Variants in CCDC38 observed in about 807,000 individuals in gnomAD.
The protein encoded by CCDC38 is coiled-coil domain containing 38.
In CCDC38, 69 loss-of-function variants were observed where a neutral mutation model predicts 72.8. The ratio of observed to expected loss-of-function variants is 0.95; its 90% confidence interval spans 0.78 to 1.16. The LOEUF is 1.16. CCDC38 is among the 50% of genes most tolerant of loss of function. The pLI is 0.00. For missense variants in CCDC38, 626 were observed against 638.9 expected (o/e 0.98, Z 0.22); for synonymous variants, 201 against 213.2 (o/e 0.94, Z 0.50).
intron 8 of CCDC38, among the ~76,000 whole-genome samples, chr12:95,893,479 T>TCC (rs2079853333): frequency 9.0e-6 from 1 of 111,668 alleles, no homozygotes; most frequent in Non-Finnish European, 1.8e-5. Context: ...TTTCTCTCTC[T>TCC]CTCTCTTTCT....
intron 2 of CCDC38, among the ~76,000 whole-genome samples, chr12:95,922,923 C>G (rs567471183): frequency 6.6e-6 from 1 of 152,244 alleles, no homozygotes; most frequent in East Asian, 1.9e-4. Flanking sequence ...AATGTTATTT[C>G]TGGTTGTGTC....
intron 5 of CCDC38, chr12:95,903,545 T>C: frequency 2.9e-6 from 2 of 686,866 alleles, no homozygotes; most frequent in African/African-American, 1.8e-5. Flanking sequence ...TGTCCTTTTA[T>C]AAAGTTGAGG....
intron 5 of CCDC38, among the ~76,000 whole-genome samples, chr12:95,900,959 T>C (rs2079944200): frequency 6.6e-6 from 1 of 152,176 alleles, no homozygotes; most frequent in Admixed American, 6.5e-5. Context: ...GAGAGTAAGC[T>C]GGGGACCAGA....
intron 13 of CCDC38, among the ~76,000 whole-genome samples, chr12:95,872,935 T>A (rs915837089): frequency 1.3e-5 from 2 of 152,230 alleles, no homozygotes; most frequent in African/African-American, 4.8e-5. Flanking sequence ...TATATTATAA[T>A]TTATAGTCAG....
Position 95,879,966 on chromosome 12 carries a change from CAGAA to C in CCDC38, c.991-175_991-172del, listed in dbSNP as rs1321077057. The C allele has an allele frequency of 2.2e-6, 1 of 456,422 alleles. No individual in the cohort carries two copies. The highest frequency in any genetic ancestry group is 1.9e-5 in the African/African-American group (1 of 51,302). 28.3% of individuals were successfully genotyped at this position (456,422 alleles called of 1,614,324 possible). On this transcript the variant is annotated intron_variant, in intron 11 of 15. Coordinates refer to ENST00000344280, the MANE Select transcript of CCDC38 (RefSeq NM_182496.3). The surrounding 1 kb of genome is among the most constrained non-coding windows in gnomAD (Gnocchi z 5.5). Reference sequence around the variant, plus strand: ...CTATTTCCAAGTGAGAGCTGGCTTTCAGAAAGAGCACATTTGCAGTGTTGTGGGG... The same window carrying C: ...CTATTTCCAAGTGAGAGCTGGCTTTCAGAGCACATTTGCAGTGTTGTGGGG...
intron 4 of CCDC38, among the ~76,000 whole-genome samples, chr12:95,913,110 G>A (rs2080111893): frequency 6.6e-6 from 1 of 151,940 alleles, no homozygotes; most frequent in Non-Finnish European, 1.5e-5. Context: ...GAAATAGAAA[G>A]GAAACAATAT....
intron 10 of CCDC38, among the ~76,000 whole-genome samples, chr12:95,888,206 G>A (rs547658967): frequency 6.6e-6 from 1 of 152,176 alleles, no homozygotes; most frequent in Admixed American, 6.5e-5. Context: ...AGGGCAGTGG[G>A]TTCTGAGAAG....
intron 5 of CCDC38, among the ~76,000 whole-genome samples, chr12:95,904,196 TTAA>T (rs954544093): frequency 7.2e-5 from 11 of 152,214 alleles, no homozygotes; most frequent in Admixed American, 3.3e-4. Flanking sequence ...TATGTCAATG[TTAA>T]TAATTTTTAA....
At chr12:95,892,092 T>G (rs1171199033) in intron 8 of CCDC38, among the ~76,000 whole-genome samples, 2 of 148,604 alleles carry the variant, frequency 1.3e-5, no homozygotes, top group African/African-American at 5.0e-5. Flanking sequence ...TTTTTTTTTT[T>G]TTTTTTTTTT....
Position 95,879,666 on chromosome 12 carries a change from C to T in CCDC38, c.1120G>A (p.Glu374Lys), listed in dbSNP as rs2079676527. The T allele has an allele frequency of 1.3e-6, 2 of 1,594,588 alleles. No homozygotes were observed. Among genetic ancestry groups the T allele is most frequent in the Non-Finnish European group, 1.7e-6 (2 of 1,165,692 alleles). Reference sequence around the variant, plus strand: ...TACGTTTTATCCTGTATAACTTTTTCTCTTTTGTTTACCTCTTCAAGATTT... The same window carrying T: ...TACGTTTTATCCTGTATAACTTTTTTTCTTTTGTTTACCTCTTCAAGATTT... Reference protein sequence around the residue: ...DENLEEVNKREKVIQDKTNSN... With the variant: ...DENLEEVNKRKKVIQDKTNSN... Residue 374 changes from glutamate to lysine, a missense_variant, in exon 12 of 16, where the codon GAA (glutamate) becomes AAA (lysine). Physicochemically the swap from Glu to Lys is moderately conservative, Grantham distance 56. Coordinates refer to ENST00000344280, the MANE Select transcript of CCDC38 (RefSeq NM_182496.3). This position sits in a 1 kb window ranked among gnomAD's most constrained non-coding sequence, Gnocchi z 5.5.
intron 1 of CCDC38, among the ~76,000 whole-genome samples, chr12:95,940,197 G>C (rs2080433989): frequency 6.6e-6 from 1 of 152,146 alleles, no homozygotes; most frequent in African/African-American, 2.4e-5. Flanking sequence ...ACTACTTTTT[G>C]TAAGAAACTC....
chr12:95,918,487 G>A (rs1036224982), intron 3 of CCDC38, among the ~76,000 whole-genome samples: 4 of 152,126 alleles, frequency 2.6e-5, no homozygotes, highest in African/African-American at 9.7e-5. Context: ...ACTCTGAGAT[G>A]CCACTTATTG....
intron 4 of CCDC38, among the ~76,000 whole-genome samples, chr12:95,914,791 C>CA (rs1193786144): frequency 6.6e-6 from 1 of 151,976 alleles, no homozygotes; most frequent in Non-Finnish European, 1.5e-5. Context: ...CTATACCCTA[C>CA]ACACACTTTT....
chr12:95,911,963 C>A (rs1406761220), intron 4 of CCDC38, among the ~76,000 whole-genome samples: 2 of 152,166 alleles, frequency 1.3e-5, no homozygotes, highest in Middle Eastern at 3.2e-3. Context: ...AGAGACTCAA[C>A]CTAGATGCCC....
intron 2 of CCDC38, among the ~76,000 whole-genome samples, chr12:95,931,249 C>T (rs768618574): frequency 1.3e-5 from 2 of 152,148 alleles, no homozygotes; most frequent in African/African-American, 4.8e-5. Flanking sequence ...TCTCTTCCTC[C>T]ATCTTCAAAG....
chr12:95,867,579 G>C (rs1167728630), intron 15 of CCDC38, among the ~76,000 whole-genome samples: 1 of 152,180 alleles, frequency 6.6e-6, no homozygotes, highest in Non-Finnish European at 1.5e-5. Context: ...GCTTTCTCCT[G>C]TTGAGCACCT....
chr12:95,926,905 G>C (rs940422231), intron 2 of CCDC38, among the ~76,000 whole-genome samples: 2 of 151,938 alleles, frequency 1.3e-5, no homozygotes, highest in Admixed American at 1.3e-4. Flanking sequence ...TGGTCTGAGA[G>C]ATAGTTTGTT....
In CCDC38 at chr12:95,936,412, C is replaced by T. The variant is rs991224048; in HGVS notation, c.37+61G>A. 1.7e-5 allele frequency: 25 copies of T among 1,453,866 alleles called. No individual in the cohort carries two copies. In the Middle Eastern group the frequency reaches 9.4e-4, roughly 55 times the overall value. The allele number at this position is 1,453,866 out of a possible 1,614,324, so 90.1% of individuals were successfully genotyped here. On this transcript the variant is annotated intron_variant, in intron 2 of 15. Transcript: ENST00000344280. Reference sequence around the variant, plus strand: ...ATTCTCCTTTTCTTATGCTCACAATCTGTTATGGAGCCTAACACTGCCAGG... The same window carrying T: ...ATTCTCCTTTTCTTATGCTCACAATTTGTTATGGAGCCTAACACTGCCAGG...
At chr12:95,918,720 C>A (rs115743497) in intron 3 of CCDC38, among the ~76,000 whole-genome samples, 156 bp downstream of exon 3, 29 of 152,250 alleles carry the variant, frequency 1.9e-4, no homozygotes, top group African/African-American at 6.7e-4. Context: ...GTTTTTCTGT[C>A]GTTTGTGTTC....
Sources: allele counts gnomAD v4.1 joint callset (sites outside exome capture counted in the v4.1 genomes callset), GRCh38; gene constraint gnomAD v4.1.1; non-coding constraint Gnocchi (gnomAD v3.1); transcripts MANE v1.5; gene names NCBI Gene and HGNC (gene_info 2026-07-23, HGNC 2026-07-21).